The following PAK5 variants were observed in gnomAD, a reference collection of about 807,000 sequenced individuals.
PAK5 encodes serine/threonine-protein kinase PAK 5.
In PAK5, 16 loss-of-function variants were observed where a neutral mutation model predicts 65.9. The ratio of observed to expected loss-of-function variants is 0.24; its 90% confidence interval spans 0.16 to 0.37. The LOEUF is 0.37. PAK5 is among the 10% of genes least tolerant of loss of function. The probability of loss-of-function intolerance (pLI) is 1.00; values close to 1 mark genes in which losing one functional copy is unlikely to be tolerated. For synonymous variants in PAK5, 371 were observed against 354.9 expected, an observed-to-expected ratio of 1.05 and a Z score of -0.51; for missense variants, 785 against 903.9, an observed-to-expected ratio of 0.87 and a Z score of 1.69.
chr20:9,755,028 T>A (rs1411741407), intron 1 of PAK5, among the ~76,000 whole-genome samples: 1 of 152,210 alleles, frequency 6.6e-6, no homozygotes. Flanking sequence ...CCAAATGTGA[T>A]GTGTTAACGA....
rs564619241 is a variant in PAK5 at position 9,615,020 on chromosome 20, C to T, written c.204+29105G>A. Among the ~76,000 whole-genome samples the T allele has an allele frequency of 2.6e-5, 4 of 151,876 alleles. No homozygotes were observed. The East Asian group carries it at 7.7e-4, about 29-fold the overall frequency. ...ACATATATACAAATGTGCTACCGAG[C>T]CATGAAAAGATATGAAGGAAACAAA... On this transcript the variant is annotated intron_variant, in intron 3 of 9. Coordinates refer to ENST00000353224, the MANE Select transcript of PAK5 (RefSeq NM_177990.4).
At chr20:9,606,960 C>T (rs1275517421) in intron 3 of PAK5, among the ~76,000 whole-genome samples, 1 of 152,018 alleles carries the variant, frequency 6.6e-6, no homozygotes, top group East Asian at 1.9e-4. Context: ...AACAAAGAGA[C>T]TTAAGAAAGC....
At chr20:9,619,561 C>T (rs1013089612) in intron 3 of PAK5, among the ~76,000 whole-genome samples, 6 of 152,152 alleles carry the variant, frequency 3.9e-5, no homozygotes, top group Admixed American at 6.5e-5. Flanking sequence ...TTAAGGGTGC[C>T]GTTGGATAAA....
intron 1 of PAK5, among the ~76,000 whole-genome samples, chr20:9,743,290 A>G (rs2048469431): frequency 6.6e-6 from 1 of 152,056 alleles, no homozygotes. Context: ...GAATCACTTG[A>G]GCCCAGGAGG....
intron 1 of PAK5, among the ~76,000 whole-genome samples, chr20:9,817,314 A>G (rs2123765392): frequency 6.6e-6 from 1 of 152,300 alleles, no homozygotes; most frequent in African/African-American, 2.4e-5. Context: ...TACACATAGA[A>G]GAGCTTCAGG....
intron 2 of PAK5, among the ~76,000 whole-genome samples, chr20:9,698,379 C>T (rs2047896729): frequency 6.6e-6 from 1 of 152,046 alleles, no homozygotes; most frequent in Non-Finnish European, 1.5e-5. Context: ...AGTATAAATC[C>T]CAGTGCTTTC....
intron 2 of PAK5, among the ~76,000 whole-genome samples, chr20:9,676,779 T>C (rs905027802): frequency 2.6e-5 from 4 of 152,188 alleles, no homozygotes; most frequent in Non-Finnish European, 4.4e-5. Flanking sequence ...GATAATTCAA[T>C]ACCCAGAAGG....
At chr20:9,610,395 C>T (rs1468379889) in intron 3 of PAK5, among the ~76,000 whole-genome samples, 2 of 152,196 alleles carry the variant, frequency 1.3e-5, no homozygotes, top group African/African-American at 2.4e-5. Context: ...TTGTGTTTCT[C>T]TGGAATTCTA....
intron 1 of PAK5, among the ~76,000 whole-genome samples, chr20:9,773,693 C>T (rs747633899): frequency 2.6e-5 from 4 of 152,166 alleles, no homozygotes; most frequent in African/African-American, 4.8e-5. Flanking sequence ...AGTAGATGTT[C>T]GCATAATAGA....
chr20:9,772,380 A>G (rs979391804), intron 1 of PAK5, among the ~76,000 whole-genome samples: 1 of 152,232 alleles, frequency 6.6e-6, no homozygotes, highest in African/African-American at 2.4e-5. Context: ...AAGAAAAAAC[A>G]GAGTCAAATC....
intron 1 of PAK5, among the ~76,000 whole-genome samples, chr20:9,726,578 T>G (rs2048280119): frequency 1.3e-5 from 2 of 152,154 alleles, no homozygotes; most frequent in Non-Finnish European, 2.9e-5. Flanking sequence ...TACAGGGATT[T>G]TTTTTAAGCA....
chr20:9,837,597 A>C (rs992136627), intron 1 of PAK5, among the ~76,000 whole-genome samples: 3 of 152,172 alleles, frequency 2.0e-5, no homozygotes, highest in African/African-American at 7.2e-5. Flanking sequence ...ATAGAATTCT[A>C]GTGTAGGAGG....
intron 1 of PAK5, among the ~76,000 whole-genome samples, chr20:9,823,713 T>C (rs2123776785): frequency 6.6e-6 from 1 of 152,320 alleles, no homozygotes; most frequent in African/African-American, 2.4e-5. Context: ...AACAGACTAA[T>C]AAACTCCCCT....
intron 2 of PAK5, among the ~76,000 whole-genome samples, chr20:9,651,821 C>T (rs1371340461): frequency 6.6e-6 from 1 of 152,048 alleles, no homozygotes; most frequent in East Asian, 1.9e-4. Context: ...TGTCCATATC[C>T]CCCCTCAAAA....
At chr20:9,683,214 G>A (rs763123613) in intron 2 of PAK5, among the ~76,000 whole-genome samples, 2 of 152,128 alleles carry the variant, frequency 1.3e-5, no homozygotes, top group Non-Finnish European at 1.5e-5. Context: ...TCCTGCCTCT[G>A]GCTCTGTTCT....
At position 9,544,630 on chromosome 20, in the gene PAK5, C is replaced by T. The variant is rs981744417; in HGVS notation, c.1744-136G>A. ...GGCCTTGGACATATCAGAGGAGGGA[C>T]TGTCAGACCCTTTTATTGGAAAGGC... is the stretch of plus-strand genomic sequence containing the variant. On this transcript the variant is annotated intron_variant, in intron 7 of 9. Transcript: ENST00000353224. 10 of 735,872 alleles carry T rather than the reference C, an allele frequency of 1.4e-5. No individual in the cohort carries two copies. In the African/African-American group the frequency reaches 1.6e-4, roughly 12 times the overall value. 45.6% of individuals were successfully genotyped at this position (735,872 alleles called of 1,614,324 possible). A position where few individuals can be genotyped will look rare whatever the true frequency, so the allele number is the denominator to read the frequency against.
chr20:9,791,074 G>T (rs979219361), intron 1 of PAK5, among the ~76,000 whole-genome samples: 1 of 152,098 alleles, frequency 6.6e-6, no homozygotes, highest in African/African-American at 2.4e-5. Flanking sequence ...TGGCAGTAAA[G>T]TCCAATATTC....
chr20:9,561,112 C>CATGGT lies in PAK5; in HGVS notation c.1616+1774_1616+1778dup, dbSNP rs373686715. Among the ~76,000 whole-genome samples, 143 of 152,318 alleles carry CATGGT rather than the reference C, an allele frequency of 9.4e-4. No individual in the cohort carries two copies. In the Middle Eastern group the frequency reaches 0.014, roughly 14 times the overall value. ...TTTAAGATTTCGAATACCAAGTATT[C>CATGGT]ATGGTGTTCCTTGACACACAATTTT... is the stretch of plus-strand genomic sequence containing the variant. On this transcript the variant is annotated intron_variant, in intron 6 of 9. Transcript: ENST00000353224.
At chr20:9,751,060 A>G (rs1303030267) in intron 1 of PAK5, among the ~76,000 whole-genome samples, 3 of 152,172 alleles carry the variant, frequency 2.0e-5, no homozygotes, top group Non-Finnish European at 4.4e-5. Flanking sequence ...CAAAATTACA[A>G]ATGTGCACTG....
Sources: gnomAD v4.1 joint callset for allele counts (sites outside exome capture counted in the v4.1 genomes callset) on GRCh38, gnomAD v4.1.1 for gene constraint, MANE v1.5 for transcripts, NCBI Gene and HGNC (gene_info 2026-07-23, HGNC 2026-07-21) for gene names.